NSL1: variants seen among roughly 807,000 people sequenced by gnomAD.
NSL1 encodes NSL1 component of MIS12 kinetochore complex, also known as kinetochore-associated protein NSL1 homolog.
In NSL1, 11 loss-of-function variants were observed where a neutral mutation model predicts 25.4. The observed-to-expected ratio is 0.43, with a 90% CI of 0.27 to 0.72. The LOEUF (loss-of-function observed/expected upper bound fraction) is 0.72, where lower values mean the gene tolerates loss of function less well. NSL1 is among the 30% of genes least tolerant of loss of function. The pLI is 0.19. For missense variants in NSL1, 330 were observed against 342.7 expected, an observed-to-expected ratio of 0.96 and a Z score of 0.29; for synonymous variants, 118 against 120.6, an observed-to-expected ratio of 0.98 and a Z score of 0.14.
At chr1:212,787,376 T>A (rs531217422) in intron 2 of NSL1, among the ~76,000 whole-genome samples, 183 bp downstream of exon 2, 1 of 152,330 alleles carries the variant, frequency 6.6e-6, no homozygotes, top group South Asian at 2.1e-4. Context: ...CTACAGTATT[T>A]TCCAATAAAC....
chr1:212,757,806 C>T (rs1196981212), intron 4 of NSL1, among the ~76,000 whole-genome samples: 3 of 152,150 alleles, frequency 2.0e-5, no homozygotes, highest in Admixed American at 2.0e-4. Context: ...TTAGAAGGAA[C>T]AAAACATCCA....
chr1:212,772,466 C>T (rs969599734), intron 4 of NSL1, among the ~76,000 whole-genome samples: 28 of 151,844 alleles, frequency 1.8e-4, no homozygotes, highest in African/African-American at 6.5e-4. Context: ...TCAAGACCAG[C>T]CTACCTGGTG....
In NSL1 at chr1:212,754,769, C is replaced by CAAAAAA. The variant is rs59259608; in HGVS notation, c.500-15174_500-15169dup. On this transcript the variant is annotated intron_variant, in intron 4 of 5. Transcript: ENST00000366977. ...GGGCAACAAGAGTAAAATTCTGTCT[C>CAAAAAA]AAAAAAAAAAAAAAAACCAACTCAA... is the stretch of plus-strand genomic sequence containing the variant. Among the ~76,000 whole-genome samples, 112 of 71,318 alleles carry CAAAAAA rather than the reference C, an allele frequency of 1.6e-3. 3 individuals are homozygous for CAAAAAA. Among genetic ancestry groups the CAAAAAA allele is most frequent in the Non-Finnish European group, 2.6e-3 (97 of 37,848 alleles). The allele number at this position is 71,318 out of a possible 152,430, so 46.8% of individuals were successfully genotyped here.
Position 212,732,786 on chromosome 1 carries a change from T to C in NSL1, c.*5622A>G. 1 of 242,994 alleles carries C rather than the reference T, an allele frequency of 4.1e-6. No homozygotes were observed. The highest frequency in any genetic ancestry group is 1.5e-4 in the South Asian group (1 of 6,690). The allele number at this position is 242,994 out of a possible 1,614,324, so 15.1% of individuals were successfully genotyped here. A position where few individuals can be genotyped will look rare whatever the true frequency, so the allele number is the denominator to read the frequency against. On this transcript the variant is annotated 3_prime_UTR_variant, in exon 6 of 6. Transcript: ENST00000366977. The stretch of plus-strand genomic sequence containing the variant: ...CCCAAACGGGATGCCTTGGAGGTAA[T>C]TTTTTTTGACGCTTTGCATATCTGA...
Position 212,728,093 on chromosome 1 carries a change from T to C in NSL1, c.*10315A>G. 1.0e-6 allele frequency: 1 copy of C among 983,726 alleles called. No homozygotes were observed. Among genetic ancestry groups the C allele is most frequent in the Non-Finnish European group, 1.2e-6 (1 of 828,364 alleles). 60.9% of individuals were successfully genotyped at this position (983,726 alleles called of 1,614,324 possible). The stretch of plus-strand genomic sequence containing the variant: ...GCACTTCCCTTCTCATCTCCACCTC[T>C]TTCTCATGAAATGGGCGTGGTAATA... On this transcript the variant is annotated 3_prime_UTR_variant, in exon 6 of 6. Transcript: ENST00000366977.
Position 212,787,559 on chromosome 1 carries a change from C to A in NSL1, c.313G>T (p.Asp105Tyr), listed in dbSNP as rs748993262. ...WQEASDNCFM[D>Y]SDIKVLEDQF... ...ATAATGGAAGGAAAAAGTCACATAC[C>A]CATAAAACAATTATCTGAAGCTTCC... The change falls in exon 2 of 6, where the codon GAT becomes TAT. Residue 105 changes from aspartate (D) to tyrosine (Y), a missense_variant and splice_region_variant. Transcript: ENST00000366977. 1.3e-5 allele frequency: 21 copies of A among 1,596,590 alleles called. No homozygotes were observed. In the South Asian group the frequency reaches 2.4e-4, roughly 18 times the overall value.
At chr1:212,779,289 G>T (rs1660558897) in intron 4 of NSL1, among the ~76,000 whole-genome samples, 2 of 145,116 alleles carry the variant, frequency 1.4e-5, no homozygotes, top group African/African-American at 5.0e-5. Flanking sequence ...GGAGGTGGGG[G>T]TCAGCCCCCC....
intron 4 of NSL1, among the ~76,000 whole-genome samples, chr1:212,771,854 T>G (rs1018707958): frequency 6.6e-6 from 1 of 152,066 alleles, no homozygotes; most frequent in Admixed American, 6.6e-5. Context: ...TAAAAGCAAT[T>G]GAAGAGAATA....
chr1:212,767,466 T>C (rs1292723500), intron 4 of NSL1, among the ~76,000 whole-genome samples: 2 of 152,110 alleles, frequency 1.3e-5, no homozygotes, highest in African/African-American at 4.8e-5. Flanking sequence ...CCATAAAAAT[T>C]CTAGAAGATA....
In NSL1 at chr1:212,729,475, G is replaced by A. The variant is rs1244340398; in HGVS notation, c.*8933C>T. 4.1e-6 allele frequency: 4 copies of A among 985,288 alleles called. No individual in the cohort carries two copies. Among genetic ancestry groups the A allele is most frequent in the Non-Finnish European group, 4.8e-6 (4 of 829,932 alleles). The allele number at this position is 985,288 out of a possible 1,614,324, so 61.0% of individuals were successfully genotyped here. ...TTACAATATTGTCTGGCACATGGCT[G>A]GGAAAGATCCTGAGGCTCTGGAGCT... is the stretch of plus-strand genomic sequence containing the variant. On this transcript the variant is annotated 3_prime_UTR_variant, in exon 6 of 6. Transcript: ENST00000366977.
rs190386069 is a variant in NSL1, at chr1:212,726,680, C to T, written c.*11728G>A. ...TCAGCTCCCAGCGGCACTGTGTTACCCCTGAGGTTGGCTCCTCTTCAATGT... is the reference window on the plus strand; with the variant it reads ...TCAGCTCCCAGCGGCACTGTGTTACTCCTGAGGTTGGCTCCTCTTCAATGT... On this transcript the variant is annotated 3_prime_UTR_variant, in exon 6 of 6. Coordinates refer to ENST00000366977, the MANE Select transcript of NSL1 (RefSeq NM_015471.4). 3.1e-4 allele frequency: 48 copies of T among 154,976 alleles called. No individual in the cohort carries two copies. The South Asian group carries it at 9.3e-3, about 30-fold the overall frequency. 9.6% of individuals were successfully genotyped at this position (154,976 alleles called of 1,614,324 possible).
chr1:212,734,614 A>G lies in NSL1; in HGVS notation c.*3794T>C, dbSNP rs1238843606. Among the ~76,000 whole-genome samples, 1 of 152,216 alleles carries G rather than the reference A, an allele frequency of 6.6e-6. No homozygotes were observed. The highest frequency in any genetic ancestry group is 2.4e-5 in the African/African-American group (1 of 41,456). On this transcript the variant is annotated 3_prime_UTR_variant, in exon 6 of 6. Transcript: ENST00000366977. ...TTGCCCATTCTGTGATTCCATACAC[A>G]GGATGTATTCTCTTGTGCCTGGCTT...
At chr1:212,774,877 A>G (rs1188959207) in intron 4 of NSL1, among the ~76,000 whole-genome samples, 1 of 152,046 alleles carries the variant, frequency 6.6e-6, no homozygotes, top group East Asian at 1.9e-4. Flanking sequence ...CTTGTACATG[A>G]ATGTTCACAG....
chr1:212,784,073 A>G (rs893708197), intron 3 of NSL1: 3 of 187,014 alleles, frequency 1.6e-5, no homozygotes, highest in Non-Finnish European at 3.3e-5. Context: ...CTTGTCTCAG[A>G]ATCATAAAGT....
chr1:212,743,164 G>GT (rs1218616157), intron 4 of NSL1, among the ~76,000 whole-genome samples: 21 of 151,046 alleles, frequency 1.4e-4, no homozygotes, highest in East Asian at 3.9e-4. Context: ...GTTTACTTTG[G>GT]TTTTTTTTTC....
intron 4 of NSL1, among the ~76,000 whole-genome samples, chr1:212,766,667 A>T (rs1659838814): frequency 6.6e-6 from 1 of 151,782 alleles, no homozygotes; most frequent in Non-Finnish European, 1.5e-5. Context: ...AAAGAAAAAA[A>T]AAGAAAACCC....
chr1:212,727,401 A>G lies in NSL1; in HGVS notation c.*11007T>C. The G allele has an allele frequency of 1.0e-6, 1 of 985,384 alleles. No individual in the cohort carries two copies. The highest frequency in any genetic ancestry group is 1.1e-4 in the East Asian group (1 of 8,808). 61.0% of individuals were successfully genotyped at this position (985,384 alleles called of 1,614,324 possible). On this transcript the variant is annotated 3_prime_UTR_variant, in exon 6 of 6. Transcript: ENST00000366977. ...AGGGAAATAAGTATCAGTCAAGTTA[A>G]TGTTTCCAAAATATACTCCTTGTAA...
rs958418714 is a variant in NSL1, at chr1:212,729,336, T to C, written c.*9072A>G. 1 of 983,138 alleles carries C rather than the reference T, an allele frequency of 1.0e-6. No homozygotes were observed. The highest frequency in any genetic ancestry group is 1.7e-5 in the African/African-American group (1 of 57,216). The allele number at this position is 983,138 out of a possible 1,614,324, so 60.9% of individuals were successfully genotyped here. A position where few individuals can be genotyped will look rare whatever the true frequency, so the allele number is the denominator to read the frequency against. ...GCTCCCCTAACTGACGGCAAATTGC[T>C]TGTGGGCAGGGTCTGTGCCTTGGTT... On this transcript the variant is annotated 3_prime_UTR_variant, in exon 6 of 6. Transcript: ENST00000366977.
At chr1:212,771,858 G>C (rs573173327) in intron 4 of NSL1, among the ~76,000 whole-genome samples, 10 of 152,272 alleles carry the variant, frequency 6.6e-5, no homozygotes, top group African/African-American at 2.4e-4. Flanking sequence ...AGCAATTGAA[G>C]AGAATATGAT....
Sources: allele counts gnomAD v4.1 joint callset (sites outside exome capture counted in the v4.1 genomes callset), GRCh38; gene constraint gnomAD v4.1.1; transcripts MANE v1.5; gene names NCBI Gene and HGNC (gene_info 2026-07-23, HGNC 2026-07-21).